Variants in SHMT1 observed in about 807,000 individuals in gnomAD.
The protein encoded by SHMT1 is serine hydroxymethyltransferase, cytosolic.
SHMT1 carries 45 observed loss-of-function variants against 49.0 expected under a neutral mutation model. The ratio of observed to expected loss-of-function variants is 0.92; its 90% CI spans 0.72 to 1.18. The LOEUF (loss-of-function observed/expected upper bound fraction) is 1.18. Ranked by LOEUF, SHMT1 falls within the 50% of genes most tolerant of loss-of-function variation. The pLI is 0.00. For missense variants in SHMT1, 541 were observed against 612.4 expected (o/e 0.88, Z 1.23); for synonymous variants, 232 against 246.6 (o/e 0.94, Z 0.55).
At chr17:18,330,702 A>G (rs372170498) in intron 9 of SHMT1, 31 bp from the exon 10 acceptor site, 5 of 1,469,720 alleles carry the variant, frequency 3.4e-6, no homozygotes, top group Non-Finnish European at 4.8e-6. Flanking sequence ...GTAGAAATGC[A>G]GGCGAATTCT....
chr17:18,357,308 A>ATC (rs1986337430), intron 1 of SHMT1, among the ~76,000 whole-genome samples: 1 of 140,844 alleles, frequency 7.1e-6, no homozygotes, highest in African/African-American at 2.7e-5. Context: ...AAAAAAAAAG[A>ATC]GTATTTTCCA....
chr17:18,362,330 C>A (rs1184230387), intron 1 of SHMT1, among the ~76,000 whole-genome samples: 3 of 151,730 alleles, frequency 2.0e-5, no homozygotes, highest in Non-Finnish European at 4.4e-5. Context: ...CTCTCTCTTT[C>A]TTTCTTTTGA....
Position 18,328,414 on chromosome 17 carries a change from T to G in SHMT1, c.*336A>C, listed in dbSNP as rs1405049710. 1 of 355,152 alleles carries G rather than the reference T, an allele frequency of 2.8e-6. No individual in the cohort carries two copies. The highest frequency in any genetic ancestry group is 5.4e-6 in the Non-Finnish European group (1 of 186,350). 22.0% of individuals were successfully genotyped at this position (355,152 alleles called of 1,614,324 possible). ...GGAAAGCCCAGGGAGAGTAAAACGC[T>G]ACAATCTTTCTAACAGCTTTGCCCT... On this transcript the variant is annotated 3_prime_UTR_variant, in exon 12 of 12. Coordinates refer to ENST00000316694, the MANE Select transcript of SHMT1 (RefSeq NM_004169.5).
At chr17:18,350,555 T>C (rs528850922) in intron 3 of SHMT1, among the ~76,000 whole-genome samples, 1 of 151,974 alleles carries the variant, frequency 6.6e-6, no homozygotes, top group Non-Finnish European at 1.5e-5. Context: ...GAGGATTGCT[T>C]GAGCCCAAGA....
chr17:18,359,044 A>G (rs1452456107), intron 1 of SHMT1, among the ~76,000 whole-genome samples: 1 of 149,488 alleles, frequency 6.7e-6, no homozygotes, highest in Non-Finnish European at 1.5e-5. Flanking sequence ...TCATGAGGTC[A>G]TAAGTTCGAG....
At chr17:18,349,382 T>C (rs774475764) in intron 3 of SHMT1, among the ~76,000 whole-genome samples, 20 of 152,028 alleles carry the variant, frequency 1.3e-4, no homozygotes, top group Non-Finnish European at 2.9e-4. Context: ...ATCGCCCCAC[T>C]GCACTCCAGC....
intron 5 of SHMT1, among the ~76,000 whole-genome samples, chr17:18,342,257 T>C (rs1221671763): frequency 6.6e-6 from 1 of 152,168 alleles, no homozygotes; most frequent in Non-Finnish European, 1.5e-5. Flanking sequence ...ACAACACCGA[T>C]GAACTTGGAG....
intron 3 of SHMT1, among the ~76,000 whole-genome samples, chr17:18,350,521 C>T (rs1985572592): frequency 6.6e-6 from 1 of 151,676 alleles, no homozygotes; most frequent in South Asian, 2.1e-4. Flanking sequence ...ACCTGTGGTC[C>T]TAGCTACAGA....
chr17:18,361,062 T>C (rs1037751460), intron 1 of SHMT1, among the ~76,000 whole-genome samples: 13 of 151,760 alleles, frequency 8.6e-5, no homozygotes, highest in African/African-American at 3.1e-4. Flanking sequence ...TCCAAGCACT[T>C]TGGGAGGCCA....
At chr17:18,350,550 T>C (rs1026588174) in intron 3 of SHMT1, among the ~76,000 whole-genome samples, 2 of 151,514 alleles carry the variant, frequency 1.3e-5, no homozygotes, top group Admixed American at 6.6e-5. Flanking sequence ...GGCAGGAGGA[T>C]TGCTTGAGCC....
intron 7 of SHMT1, 98 bp from the exon 8 acceptor site, chr17:18,335,773 A>G (rs1983726815): frequency 2.3e-6 from 2 of 888,500 alleles, no homozygotes; most frequent in Non-Finnish European, 3.8e-6. Flanking sequence ...ATCAAGCACA[A>G]GCCTGGCCTT....
intron 1 of SHMT1, among the ~76,000 whole-genome samples, chr17:18,359,471 T>C (rs1322580862): frequency 6.6e-6 from 1 of 151,372 alleles, no homozygotes; most frequent in Non-Finnish European, 1.5e-5. Flanking sequence ...GGCCAGGAGT[T>C]TGAGACCAGC....
chr17:18,329,476 G>C, intron 10 of SHMT1, 88 bp from the exon 11 acceptor site: 11 of 1,030,432 alleles, frequency 1.1e-5, no homozygotes, highest in Non-Finnish European at 1.6e-5. Flanking sequence ...GGGCAAAAGA[G>C]AACTGGCCTG....
intron 3 of SHMT1, among the ~76,000 whole-genome samples, chr17:18,351,032 C>T (rs879470003): frequency 6.6e-5 from 10 of 151,998 alleles, no homozygotes; most frequent in Non-Finnish European, 1.2e-4. Flanking sequence ...CACGCCTTGC[C>T]TATTGTTTTC....
At chr17:18,352,707 C>G (rs553883429) in intron 3 of SHMT1, among the ~76,000 whole-genome samples, 1 of 151,728 alleles carries the variant, frequency 6.6e-6, no homozygotes, top group African/African-American at 2.4e-5. Flanking sequence ...GTAGTCCCAG[C>G]GACTCAGTAG....
chr17:18,359,040 G>C (rs541073035), intron 1 of SHMT1, among the ~76,000 whole-genome samples: 1 of 151,796 alleles, frequency 6.6e-6, no homozygotes, highest in East Asian at 2.0e-4. Flanking sequence ...CGGATCATGA[G>C]GTCATAAGTT....
intron 1 of SHMT1, among the ~76,000 whole-genome samples, chr17:18,356,282 T>C (rs549015920): frequency 1.3e-5 from 2 of 152,218 alleles, no homozygotes; most frequent in South Asian, 2.1e-4. Context: ...GACCTTGTCA[T>C]CCGCCCACGT....
chr17:18,360,420 C>T (rs942340238), intron 1 of SHMT1: 2 of 151,622 alleles, frequency 1.3e-5, no homozygotes, highest in Non-Finnish European at 2.9e-5. Flanking sequence ...TTACCCGAGC[C>T]TGGTGGCGCA....
intron 1 of SHMT1, among the ~76,000 whole-genome samples, chr17:18,362,266 A>G (rs1598080135): frequency 6.6e-6 from 1 of 152,238 alleles, no homozygotes; most frequent in East Asian, 1.9e-4. Flanking sequence ...TTCCGTTCCA[A>G]GTTCCCCCAA....
Sources: allele counts gnomAD v4.1 joint callset (sites outside exome capture counted in the v4.1 genomes callset), GRCh38; gene constraint gnomAD v4.1.1; transcripts MANE v1.5; gene names NCBI Gene and HGNC (gene_info 2026-07-23, HGNC 2026-07-21).